Variants in GALNT7 observed in about 807,000 individuals in gnomAD.
GALNT7 encodes the protein N-acetylgalactosaminyltransferase 7.
Under a neutral mutation model 82.1 loss-of-function variants are expected in GALNT7, and 60 were observed. The observed-to-expected ratio is 0.73, with a 90% CI of 0.59 to 0.91. GALNT7 has a LOEUF of 0.91. GALNT7 is among the 40% of genes least tolerant of loss of function. The pLI is 0.00. For synonymous variants in GALNT7, 243 were observed against 275.1 expected (o/e 0.88, Z 1.15); for missense variants, 660 against 804.2 (o/e 0.82, Z 2.17).
In GALNT7 at chr4:173,320,802, A is replaced by G. The variant is rs1241447030; in HGVS notation, c.1837-778A>G. ...ATCTCATAGAATTTTTTTTAAGTAT[A>G]CTGAGGGGTCAAGACTGAATAAAAC... On this transcript the variant is annotated intron_variant, in intron 11 of 11. Transcript: ENST00000265000. The surrounding 1 kb of genome is among the most constrained non-coding windows in gnomAD (Gnocchi z 4.1). Among the ~76,000 whole-genome samples the G allele has an allele frequency of 6.6e-6, 1 of 152,112 alleles. No homozygotes were observed. Among genetic ancestry groups the G allele is most frequent in the African/African-American group, 2.4e-5 (1 of 41,422 alleles).
chr4:173,186,453 G>A (rs958696500), intron 1 of GALNT7, among the ~76,000 whole-genome samples: 2 of 152,126 alleles, frequency 1.3e-5, no homozygotes, highest in African/African-American at 4.8e-5. Flanking sequence ...CAACTTCATA[G>A]CAATGTTCTT....
rs547250595 is a variant in GALNT7, at chr4:173,216,552, G to T, written c.127-31428G>T. ...TTTTGTGAGATAATTATATATGAAA[G>T]AACCTACTAGGATGTATTCTTTAGT... is the stretch of plus-strand genomic sequence containing the variant. On this transcript the variant is annotated intron_variant, in intron 1 of 11. Transcript: ENST00000265000. 1.4e-4 allele frequency among the ~76,000 whole-genome samples: 21 copies of T among 151,532 alleles called. No homozygotes were observed. The South Asian group carries it at 4.2e-3, about 30-fold the overall frequency.
intron 2 of GALNT7, among the ~76,000 whole-genome samples, chr4:173,260,763 C>A (rs1735228859): frequency 6.6e-6 from 1 of 152,088 alleles, no homozygotes; most frequent in South Asian, 2.1e-4. Flanking sequence ...ACAAAAATAT[C>A]ACCAAACTTC....
At position 173,235,183 on chromosome 4, in the gene GALNT7, C is replaced by T. The variant is rs576904153; in HGVS notation, c.127-12797C>T. On this transcript the variant is annotated intron_variant, in intron 1 of 11. Coordinates refer to ENST00000265000, the MANE Select transcript of GALNT7 (RefSeq NM_017423.3). ...CAGTCACTCTGGCCTGTTTCCAGGT[C>T]TGTTCTCTTACTACTCAGCCAGGGG... Among the ~76,000 whole-genome samples, 3 of 152,270 alleles carry T rather than the reference C, an allele frequency of 2.0e-5. No homozygotes were observed. In the South Asian group the frequency reaches 6.2e-4, roughly 32 times the overall value.
intron 1 of GALNT7, among the ~76,000 whole-genome samples, chr4:173,233,859 C>T (rs1367630416): frequency 2.0e-5 from 3 of 152,110 alleles, no homozygotes; most frequent in Non-Finnish European, 4.4e-5. Flanking sequence ...TTTCTCATTC[C>T]ACTTCATATT....
intron 2 of GALNT7, among the ~76,000 whole-genome samples, chr4:173,254,734 A>C (rs974124021): frequency 2.2e-4 from 34 of 152,194 alleles, no homozygotes; most frequent in African/African-American, 8.0e-4. Flanking sequence ...TAGATTGCCC[A>C]AAACATATTT....
chr4:173,274,598 G>GAAC (rs1735835511), intron 2 of GALNT7, among the ~76,000 whole-genome samples: 1 of 151,982 alleles, frequency 6.6e-6, no homozygotes, highest in Non-Finnish European at 1.5e-5. Context: ...TATATAAAAT[G>GAAC]AATAATAATA....
chr4:173,321,423 GA>G (rs1314583296), intron 11 of GALNT7, among the ~76,000 whole-genome samples, 156 bp from the exon 12 acceptor site: 1 of 152,112 alleles, frequency 6.6e-6, no homozygotes, highest in Non-Finnish European at 1.5e-5. Context: ...GAGAAATCCA[GA>G]AAACTGACAA....
At chr4:173,290,568 C>G (rs1038618939) in intron 2 of GALNT7, among the ~76,000 whole-genome samples, 2 of 152,242 alleles carry the variant, frequency 1.3e-5, no homozygotes, top group African/African-American at 4.8e-5. Context: ...GGTGGAAAAT[C>G]TGGAGGGAAC....
intron 1 of GALNT7, among the ~76,000 whole-genome samples, chr4:173,179,739 T>A (rs918619005): frequency 6.6e-6 from 1 of 152,208 alleles, no homozygotes; most frequent in Non-Finnish European, 1.5e-5. Flanking sequence ...TCTTTATGCA[T>A]CTGTGAGAAT....
chr4:173,280,387 A>G (rs1736068912), intron 2 of GALNT7, among the ~76,000 whole-genome samples: 1 of 152,236 alleles, frequency 6.6e-6, no homozygotes, highest in Non-Finnish European at 1.5e-5. Context: ...GAGAAAATGC[A>G]AGTGAGACAT....
intron 2 of GALNT7, among the ~76,000 whole-genome samples, chr4:173,273,995 G>C (rs1381351750): frequency 6.6e-6 from 1 of 152,042 alleles, no homozygotes. Context: ...TTGATAAGCT[G>C]GTACTTCTGT....
chr4:173,230,808 T>C (rs555386129), intron 1 of GALNT7, among the ~76,000 whole-genome samples: 1 of 152,316 alleles, frequency 6.6e-6, no homozygotes, highest in East Asian at 1.9e-4. Context: ...ATATATAATA[T>C]AGTTAGCATG....
At chr4:173,296,969 A>G (rs764217506) in intron 5 of GALNT7, among the ~76,000 whole-genome samples, 1 of 152,218 alleles carries the variant, frequency 6.6e-6, no homozygotes, top group Non-Finnish European at 1.5e-5. Context: ...ACTTCTGAAA[A>G]GCAGCTTGAC....
intron 2 of GALNT7, among the ~76,000 whole-genome samples, chr4:173,283,974 A>G (rs1044007914): frequency 6.6e-6 from 1 of 152,270 alleles, no homozygotes; most frequent in African/African-American, 2.4e-5. Context: ...TTTTGTTCAC[A>G]GGAGTATACC....
At chr4:173,237,397 G>C (rs529733279) in intron 1 of GALNT7, among the ~76,000 whole-genome samples, 33 of 152,164 alleles carry the variant, frequency 2.2e-4, no homozygotes, top group Non-Finnish European at 4.4e-4. Flanking sequence ...ATGTGGCAGT[G>C]CTATATTCAT....
In GALNT7 at chr4:173,168,946, G is replaced by A; in HGVS notation, c.111G>A (p.Pro37=). Residue 37 remains proline, a synonymous_variant, in exon 1 of 12, where the codon CCG becomes CCA. Coordinates refer to ENST00000265000, the MANE Select transcript of GALNT7 (RefSeq NM_017423.3). ...SLTPRPDDPS[P]LSRMREDRDV... is the part of the protein sequence containing the mutation. ...CCCCGCGGCCGGACGACCCAAGCCC[G>A]CTGAGCAGGATGAGGGTGAGTGACC... 2.5e-6 allele frequency: 4 copies of A among 1,613,548 alleles called. No individual in the cohort carries two copies. The highest frequency in any genetic ancestry group is 3.4e-6 in the Non-Finnish European group (4 of 1,179,726).
chr4:173,238,781 G>A (rs1417402436), intron 1 of GALNT7, among the ~76,000 whole-genome samples: 1 of 152,136 alleles, frequency 6.6e-6, no homozygotes, highest in Admixed American at 6.6e-5. Context: ...GTCTCTGAAA[G>A]ATAGAACTTA....
intron 1 of GALNT7, 32 bp downstream of exon 1, chr4:173,168,993 A>G (rs370971272): frequency 4.0e-5 from 65 of 1,605,808 alleles, no homozygotes; most frequent in Non-Finnish European, 5.4e-5. Context: ...CTCCGGCGGC[A>G]GCGACCGGCA....
Sources: allele counts gnomAD v4.1 joint callset (sites outside exome capture counted in the v4.1 genomes callset), GRCh38; gene constraint gnomAD v4.1.1; non-coding constraint Gnocchi (gnomAD v3.1); transcripts MANE v1.5; gene names NCBI Gene and HGNC (gene_info 2026-07-23, HGNC 2026-07-21).